The following HKDC1 variants were observed in gnomAD, a reference collection of about 807,000 sequenced individuals.
HKDC1 encodes the protein hexokinase HKDC1.
A neutral mutation model predicts 96.6 loss-of-function variants in HKDC1; 66 were observed. The observed-to-expected ratio is 0.68, with a 90% confidence interval of 0.56 to 0.84. The LOEUF is 0.84. HKDC1 is among the 40% of genes least tolerant of loss of function. The pLI, the probability that HKDC1 is intolerant of heterozygous loss-of-function variation, is 0.00. For synonymous variants in HKDC1, 466 were observed against 473.1 expected (o/e 0.98, Z 0.20); for missense variants, 1,211 against 1,208.1 (o/e 1.00, Z -0.04).
At position 69,248,018 on chromosome 10, in the gene HKDC1, G is replaced by A. The variant is rs1266297666; in HGVS notation, c.1266-406G>A. Among the ~76,000 whole-genome samples, 7 of 152,184 alleles carry A rather than the reference G, an allele frequency of 4.6e-5. 1 individual carries two copies. The highest frequency in any genetic ancestry group is 2.6e-4 in the Admixed American group (4 of 15,290). ...TGCCAAGATTATGGGAAGGGTCCTG[G>A]TAGGAAAACACAGGGAAATGGGAAT... On this transcript the variant is annotated intron_variant, in intron 9 of 17. Coordinates refer to ENST00000354624, the MANE Select transcript of HKDC1 (RefSeq NM_025130.4).
At chr10:69,257,155 T>C (rs769136106) in intron 13 of HKDC1, 24 bp downstream of exon 13, 1 of 1,591,420 alleles carries the variant, frequency 6.3e-7, no homozygotes, top group Non-Finnish European at 8.6e-7. Flanking sequence ...TTGAGGCTCA[T>C]GCCTGCTCTT....
At chr10:69,255,777 C>T (rs1483957516) in intron 12 of HKDC1, among the ~76,000 whole-genome samples, 5 of 151,940 alleles carry the variant, frequency 3.3e-5, no homozygotes, top group East Asian at 3.9e-4. Flanking sequence ...ATTAGCCAGG[C>T]GTGGTGGTGT....
chr10:69,249,803 G>T (rs914084617), intron 10 of HKDC1, among the ~76,000 whole-genome samples: 4 of 152,108 alleles, frequency 2.6e-5, no homozygotes, highest in Non-Finnish European at 4.4e-5. Flanking sequence ...CAGACCGGAG[G>T]CCCCTTGAGT....
intron 17 of HKDC1, 67 bp downstream of exon 17, chr10:69,265,885 A>T: frequency 8.6e-7 from 1 of 1,165,354 alleles, no homozygotes; most frequent in Non-Finnish European, 1.3e-6. Context: ...TGGACTTGGC[A>T]TAGCCTCCTG....
chr10:69,258,738 G>A, intron 14 of HKDC1, 38 bp from the exon 15 acceptor site: 3 of 1,607,538 alleles, frequency 1.9e-6, no homozygotes, highest in Non-Finnish European at 2.6e-6. Context: ...ACCTGGTGAT[G>A]TCTTTGAAGA....
In HKDC1 at chr10:69,227,209, G is replaced by C. The variant is rs771051562; in HGVS notation, c.66G>C (p.Val22=). The change falls in exon 2 of 18, where the codon GTG becomes GTC. Residue 22 remains valine, a splice_region_variant and synonymous_variant. Transcript: ENST00000354624. ...SKLKEDQIKK[V]DRFLYHMRLS... is the part of the protein sequence containing the mutation. ...TTGGTGGCCGGTGTCTGTTCCAGGT[G>C]GACAGGTTCCTGTATCACATGCGGC... The C allele has an allele frequency of 6.2e-6, 10 of 1,613,986 alleles. No individual in the cohort carries two copies. The highest frequency in any genetic ancestry group is 1.6e-4 in the Middle Eastern group (1 of 6,082).
Position 69,229,961 on chromosome 10 carries a change from G to A in HKDC1, c.226+2592G>A, listed in dbSNP as rs908703606. Among the ~76,000 whole-genome samples the A allele has an allele frequency of 8.5e-5, 13 of 152,236 alleles. No homozygotes were observed. In the East Asian group the frequency reaches 2.3e-3, roughly 27 times the overall value. ...GTCCTCCTAGCTCTTGTGAGCTGGT[G>A]GTATAATTTCATGATTACCGACAAA... On this transcript the variant is annotated intron_variant, in intron 2 of 17. Transcript: ENST00000354624.
At chr10:69,234,973 G>C (rs2394531) in intron 4 of HKDC1, among the ~76,000 whole-genome samples, 17,444 of 152,240 alleles carry the variant, frequency 0.11, 1,145 homozygotes, top group Middle Eastern at 0.19. Flanking sequence ...TATAAAGAAG[G>C]TTCCAGGGGC....
rs1165537102 is a variant in HKDC1, at chr10:69,232,880, C to A, written c.343C>A (p.Pro115Thr). The change falls in exon 3 of 18, where the codon CCC (proline) becomes ACC (threonine). Residue 115 changes from proline to threonine, a missense_variant. Transcript: ENST00000354624. ...GATGGAGAGTCAGTTCTACCCAACG[C>A]CCAATGAAATCATCCGCGGGAACGG... Reference protein sequence around the residue: ...VQMESQFYPTPNEIIRGNGTE... With the variant: ...VQMESQFYPTTNEIIRGNGTE... 3 of 1,613,788 alleles carry A rather than the reference C, an allele frequency of 1.9e-6. No homozygotes were observed. Among genetic ancestry groups the A allele is most frequent in the South Asian group, 1.1e-5 (1 of 91,082 alleles).
At chr10:69,236,742 T>C (rs1213705942) in intron 4 of HKDC1, among the ~76,000 whole-genome samples, 3 of 150,060 alleles carry the variant, frequency 2.0e-5, no homozygotes, top group African/African-American at 4.9e-5. Flanking sequence ...ATGGCGCCAC[T>C]GCACTCCAGC....
chr10:69,247,316 T>G (rs543778287), intron 8 of HKDC1, 44 bp from the exon 9 acceptor site: 41 of 1,305,924 alleles, frequency 3.1e-5, no homozygotes, highest in Non-Finnish European at 4.1e-5. Context: ...AGGATACCAG[T>G]GGGATGGAGA....
chr10:69,244,038 C>G (rs61868681), intron 7 of HKDC1, among the ~76,000 whole-genome samples: 13,002 of 151,942 alleles, frequency 0.086, 730 homozygotes, highest in Non-Finnish European at 0.13. Flanking sequence ...CCGAACTCGT[C>G]GTGTTCGCAT....
intron 2 of HKDC1, among the ~76,000 whole-genome samples, chr10:69,231,092 G>A (rs1843252366): frequency 1.3e-5 from 2 of 152,192 alleles, no homozygotes; most frequent in South Asian, 4.1e-4. Context: ...GGTGGAGTGA[G>A]GTGTTTGATA....
intron 13 of HKDC1, 51 bp from the exon 14 acceptor site, chr10:69,257,271 TGCACA>T: frequency 1.3e-6 from 2 of 1,530,344 alleles, no homozygotes; most frequent in Non-Finnish European, 1.8e-6. Flanking sequence ...CTGTTTGGCT[TGCACA>T]TTCAACTCAT....
intron 16 of HKDC1, 141 bp downstream of exon 16, chr10:69,261,435 C>T: frequency 1.4e-6 from 1 of 697,804 alleles, no homozygotes; most frequent in Non-Finnish European, 2.4e-6. Flanking sequence ...CTGCTCTTCT[C>T]TTTCCAACTG....
In HKDC1 at chr10:69,243,565, T is replaced by C. The variant is rs187779740; in HGVS notation, c.875+200T>C. On this transcript the variant is annotated intron_variant, in intron 7 of 17. Coordinates refer to ENST00000354624, the MANE Select transcript of HKDC1 (RefSeq NM_025130.4). ...AGGCTGAAGTGCGGTGGCACGATCTTGGCTCGCTGCAACCTCCACCTTCCA... is the reference window on the plus strand; with the variant it reads ...AGGCTGAAGTGCGGTGGCACGATCTCGGCTCGCTGCAACCTCCACCTTCCA... Among the ~76,000 whole-genome samples, 245 of 151,932 alleles carry C rather than the reference T, an allele frequency of 1.6e-3. 1 individual carries two copies. Among genetic ancestry groups the C allele is most frequent in the African/African-American group, 5.7e-3 (235 of 41,436 alleles).
At chr10:69,224,075 G>A (rs977244604) in intron 1 of HKDC1, among the ~76,000 whole-genome samples, 1 of 150,420 alleles carries the variant, frequency 6.6e-6, no homozygotes, top group Non-Finnish European at 1.5e-5. Context: ...GGGCATGGTG[G>A]CACATGCCTG....
intron 12 of HKDC1, among the ~76,000 whole-genome samples, chr10:69,256,066 T>A (rs1044185531): frequency 6.6e-6 from 1 of 152,224 alleles, no homozygotes; most frequent in African/African-American, 2.4e-5. Context: ...AGAGCCACTG[T>A]TAACCCTTTT....
At chr10:69,240,507 G>T (rs1843438430) in intron 5 of HKDC1, 145 bp from the exon 6 acceptor site, 2 of 609,320 alleles carry the variant, frequency 3.3e-6, no homozygotes, top group Non-Finnish European at 5.8e-6. Flanking sequence ...ACCTTGATGA[G>T]GCCTTGCTCC....
Sources: allele counts gnomAD v4.1 joint callset (sites outside exome capture counted in the v4.1 genomes callset), GRCh38; gene constraint gnomAD v4.1.1; transcripts MANE v1.5; gene names NCBI Gene and HGNC (gene_info 2026-07-23, HGNC 2026-07-21).